The following EFCAB5 variants were observed in gnomAD, a reference collection of about 807,000 sequenced individuals.
The protein encoded by EFCAB5 is EF-hand calcium binding domain 5.
In EFCAB5, 131 loss-of-function variants were observed where a neutral mutation model predicts 167.9. The observed-to-expected ratio is 0.78, with a 90% CI of 0.68 to 0.90. The LOEUF is 0.90. Ranked by LOEUF, EFCAB5 falls within the 40% of genes least tolerant of loss-of-function variation. EFCAB5 has a pLI of 0.00. For missense variants in EFCAB5, 1,663 were observed against 1,745.2 expected (o/e 0.95, Z 0.84); for synonymous variants, 574 against 602.8 (o/e 0.95, Z 0.70).
chr17:29,949,667 C>T (rs1443285529), intron 3 of EFCAB5, among the ~76,000 whole-genome samples: 1 of 152,230 alleles, frequency 6.6e-6, no homozygotes, highest in Non-Finnish European at 1.5e-5. Flanking sequence ...TCAGAGGTCA[C>T]TCAGTCAAAA....
At chr17:30,053,217 A>T (rs2070149794) in intron 9 of EFCAB5, 38 bp from the exon 10 acceptor site, 2 of 1,544,480 alleles carry the variant, frequency 1.3e-6, no homozygotes, top group Non-Finnish European at 1.7e-6. Context: ...GCATTATAAG[A>T]TCAATGGTTT....
chr17:30,002,589 TA>T (rs1428058162), intron 7 of EFCAB5, among the ~76,000 whole-genome samples: 1 of 152,258 alleles, frequency 6.6e-6, no homozygotes, highest in African/African-American at 2.4e-5. Flanking sequence ...CTTCCACTGT[TA>T]AACATCATTT....
At chr17:29,968,524 G>A in intron 3 of EFCAB5, 1 of 368,040 alleles carries the variant, frequency 2.7e-6, no homozygotes, top group Non-Finnish European at 5.0e-6. Context: ...TGATCATGAG[G>A]TACAAGCAAA....
rs182993901 is a variant in EFCAB5, at chr17:30,077,328, T to C, written c.2738-887T>C. 9.7e-4 allele frequency among the ~76,000 whole-genome samples: 147 copies of C among 152,102 alleles called. 2 individuals are homozygous for C. The Middle Eastern group carries it at 0.01, about 11-fold the overall frequency. On this transcript the variant is annotated intron_variant, in intron 14 of 22. Coordinates refer to ENST00000394835, the MANE Select transcript of EFCAB5 (RefSeq NM_198529.4). The stretch of plus-strand genomic sequence containing the variant: ...AAAAGATAAATAAATAAATAAAAAA[T>C]GCAAAACGAAACCACGTGTTGTTTA...
chr17:30,072,845 C>T (rs1425436643), intron 14 of EFCAB5, among the ~76,000 whole-genome samples: 1 of 152,114 alleles, frequency 6.6e-6, no homozygotes, highest in Non-Finnish European at 1.5e-5. Context: ...AATGGGTGTC[C>T]ATTGAAACCA....
intron 22 of EFCAB5, among the ~76,000 whole-genome samples, chr17:30,095,557 T>C (rs1050337177): frequency 2.0e-5 from 3 of 152,166 alleles, no homozygotes; most frequent in East Asian, 1.9e-4. Context: ...GTGGCTCTCA[T>C]AGGTGCCACG....
rs565396517 is a variant in EFCAB5 at position 30,055,900 on chromosome 17, A to G, written c.2207A>G (p.Lys736Arg). The change falls in exon 11 of 23, where the codon AAG becomes AGG. Residue 736 changes from lysine to arginine, a missense_variant. Coordinates refer to ENST00000394835, the MANE Select transcript of EFCAB5 (RefSeq NM_198529.4). ...TTGCACCTTTTAGAAACTACAAAAA[A>G]GGAAGTTCAGAAAGACAAGCCCTGT... The part of the protein sequence containing the change: ...RKDHFPETTK[K>R]EVQKDKPCEP... 1 of 1,612,878 alleles carries G rather than the reference A, an allele frequency of 6.2e-7. No individual in the cohort carries two copies. The highest frequency in any genetic ancestry group is 8.5e-7 in the Non-Finnish European group (1 of 1,179,598).
intron 4 of EFCAB5, among the ~76,000 whole-genome samples, chr17:29,989,206 G>A (rs557371403): frequency 1.3e-5 from 2 of 152,326 alleles, no homozygotes; most frequent in South Asian, 4.1e-4. Flanking sequence ...GTAGGAATAA[G>A]TCTGAATTTT....
chr17:30,049,843 A>G (rs545895142), intron 8 of EFCAB5, among the ~76,000 whole-genome samples: 2 of 152,350 alleles, frequency 1.3e-5, no homozygotes, highest in East Asian at 3.9e-4. Context: ...ACATTATGCA[A>G]TCCAGTAATT....
intron 22 of EFCAB5, among the ~76,000 whole-genome samples, chr17:30,102,739 C>T (rs1266672877): frequency 6.6e-6 from 1 of 151,682 alleles, no homozygotes; most frequent in Non-Finnish European, 1.5e-5. Context: ...GTCTCTGGGG[C>T]GCAAGAAAAA....
chr17:30,064,749 G>A (rs2070515959), intron 14 of EFCAB5, among the ~76,000 whole-genome samples: 1 of 152,098 alleles, frequency 6.6e-6, no homozygotes, highest in Non-Finnish European at 1.5e-5. Context: ...AAGACAAAGA[G>A]AGAACTCTAA....
intron 7 of EFCAB5, among the ~76,000 whole-genome samples, chr17:30,014,692 GTC>G (rs2068990005): frequency 6.6e-6 from 1 of 152,102 alleles, no homozygotes. Flanking sequence ...GTCCATGTGT[GTC>G]TCTGCACGTG....
intron 4 of EFCAB5, among the ~76,000 whole-genome samples, chr17:29,981,808 ATTTAGAG>A (rs1355831798): frequency 1.3e-5 from 2 of 152,176 alleles, no homozygotes; most frequent in Non-Finnish European, 2.9e-5. Flanking sequence ...ACATCCCTTA[ATTTAGAG>A]TAATTGAATT....
At chr17:30,013,463 G>T (rs1465863090) in intron 7 of EFCAB5, among the ~76,000 whole-genome samples, 1 of 151,532 alleles carries the variant, frequency 6.6e-6, no homozygotes, top group Admixed American at 6.6e-5. Context: ...GCTATTAATT[G>T]TTGCCTCAAT....
At chr17:29,972,593 G>T in intron 4 of EFCAB5, 1 of 152,822 alleles carries the variant, frequency 6.5e-6, no homozygotes. Flanking sequence ...GCCCGGCTCA[G>T]GAGGACCCTT....
intron 18 of EFCAB5, among the ~76,000 whole-genome samples, chr17:30,084,674 C>A (rs1164083451): frequency 1.3e-5 from 2 of 152,182 alleles, no homozygotes; most frequent in African/African-American, 4.8e-5. Context: ...AAGCCTCCCT[C>A]TTCCCCTTCT....
At chr17:30,100,789 G>A (rs2071372268) in intron 22 of EFCAB5, among the ~76,000 whole-genome samples, 1 of 151,350 alleles carries the variant, frequency 6.6e-6, no homozygotes, top group Non-Finnish European at 1.5e-5. Flanking sequence ...TGAGATTTAA[G>A]CAAAGATGTG....
intron 22 of EFCAB5, among the ~76,000 whole-genome samples, chr17:30,106,676 C>A (rs1055022501): frequency 2.0e-5 from 3 of 152,132 alleles, no homozygotes; most frequent in Non-Finnish European, 4.4e-5. Flanking sequence ...AGGCTGATCT[C>A]AAACTCCTGA....
rs557804358 is a variant in EFCAB5, at chr17:30,088,096, C to T, written c.3683+930C>T. Among the ~76,000 whole-genome samples the T allele has an allele frequency of 3.9e-5, 6 of 152,234 alleles. No individual in the cohort carries two copies. The South Asian group carries it at 1.2e-3, about 32-fold the overall frequency. ...AAAAATTTCTGCAGAATGTTGTCTG[C>T]CTGGGACATATTTACTCTTTTTTTC... On this transcript the variant is annotated intron_variant, in intron 19 of 22. Transcript: ENST00000394835.
Sources: allele counts gnomAD v4.1 joint callset (sites outside exome capture counted in the v4.1 genomes callset), GRCh38; gene constraint gnomAD v4.1.1; transcripts MANE v1.5; gene names NCBI Gene and HGNC (gene_info 2026-07-23, HGNC 2026-07-21).